CDYL: variants seen among roughly 807,000 people sequenced by gnomAD.
CDYL encodes the protein chromodomain Y-like protein.
In CDYL, 8 loss-of-function variants were observed where a neutral mutation model predicts 47.3. The ratio of observed to expected loss-of-function variants is 0.17; its 90% CI spans 0.10 to 0.31. CDYL has a LOEUF of 0.31. Among genes scored for constraint, CDYL ranks in the 10% least tolerant of loss-of-function variants. CDYL has a pLI of 1.00. For missense variants in CDYL, 471 were observed against 701.4 expected (o/e 0.67, Z 3.71); for synonymous variants, 266 against 265.0 (o/e 1.00, Z -0.04).
intron 3 of CDYL, among the ~76,000 whole-genome samples, chr6:4,739,403 C>T (rs1757757428): frequency 6.6e-6 from 1 of 150,500 alleles, no homozygotes; most frequent in African/African-American, 2.4e-5. Flanking sequence ...CCTGTAATCC[C>T]AGCTACTCAG....
chr6:4,951,244 A>G (rs1265157022), intron 5 of CDYL, among the ~76,000 whole-genome samples: 1 of 152,154 alleles, frequency 6.6e-6, no homozygotes, highest in East Asian at 1.9e-4. Flanking sequence ...CTCATAGTCA[A>G]GGCTTTGTGA....
intron 1 of CDYL, among the ~76,000 whole-genome samples, chr6:4,793,501 A>G (rs1221396025): frequency 1.3e-5 from 2 of 152,350 alleles, no homozygotes; most frequent in East Asian, 3.9e-4. Flanking sequence ...GGGTACTTGT[A>G]GGACTTCATA....
intron 1 of CDYL, among the ~76,000 whole-genome samples, chr6:4,886,188 A>T (rs1190427886): frequency 1.3e-5 from 2 of 152,186 alleles, no homozygotes; most frequent in African/African-American, 4.8e-5. Context: ...AGTATTATAA[A>T]CAGTGCTGCT....
intron 1 of CDYL, among the ~76,000 whole-genome samples, chr6:4,816,193 C>G (rs1455594887): frequency 1.3e-5 from 2 of 151,432 alleles, no homozygotes; most frequent in African/African-American, 4.9e-5. Flanking sequence ...GCAGAGCTGT[C>G]GTTACCCCAG....
intron 1 of CDYL, among the ~76,000 whole-genome samples, chr6:4,781,227 C>CTTTGAAT (rs1193493924): frequency 1.3e-5 from 2 of 152,134 alleles, no homozygotes; most frequent in African/African-American, 4.8e-5. Flanking sequence ...AATCTTTCTT[C>CTTTGAAT]CTACTTTGCG....
chr6:4,856,694 GC>G (rs1454830354), intron 1 of CDYL, among the ~76,000 whole-genome samples: 1 of 152,168 alleles, frequency 6.6e-6, no homozygotes, highest in African/African-American at 2.4e-5. Flanking sequence ...GCCCAGGATG[GC>G]CCCAGCCCAG....
intron 2 of CDYL, among the ~76,000 whole-genome samples, chr6:4,920,722 G>C (rs1234998523): frequency 6.6e-6 from 1 of 152,202 alleles, no homozygotes; most frequent in Admixed American, 6.5e-5. Flanking sequence ...AGGTTCAAGT[G>C]ATTCTCCTGC....
intron 1 of CDYL, among the ~76,000 whole-genome samples, chr6:4,790,648 T>G (rs1380507186): frequency 1.3e-5 from 2 of 152,238 alleles, no homozygotes; most frequent in Non-Finnish European, 2.9e-5. Context: ...GCTCAGCTAA[T>G]TACCTGTAAT....
intron 1 of CDYL, among the ~76,000 whole-genome samples, chr6:4,711,416 C>A (rs2099038797): frequency 6.6e-6 from 1 of 152,132 alleles, no homozygotes; most frequent in Admixed American, 6.6e-5. Context: ...TCTGATTCCC[C>A]CTCAGGAGCG....
chr6:4,918,821 G>A (rs779979753), intron 2 of CDYL, among the ~76,000 whole-genome samples: 2 of 152,138 alleles, frequency 1.3e-5, no homozygotes, highest in Non-Finnish European at 2.9e-5. Context: ...TGAACACTTC[G>A]ATTTCCTTTG....
intron 1 of CDYL, among the ~76,000 whole-genome samples, chr6:4,852,384 ATCTT>A (rs1164007159): frequency 4.5e-5 from 3 of 67,230 alleles, no homozygotes; most frequent in Non-Finnish European, 8.5e-5. Flanking sequence ...CTTCCTTCCT[ATCTT>A]CCTTCCTTCC....
intron 2 of CDYL, among the ~76,000 whole-genome samples, chr6:4,903,560 C>T (rs1184619450): frequency 6.6e-6 from 1 of 152,196 alleles, no homozygotes; most frequent in Non-Finnish European, 1.5e-5. Context: ...AGAACCCACA[C>T]GATGCACACG....
chr6:4,924,587 C>CTCT (rs1242613770), intron 2 of CDYL, among the ~76,000 whole-genome samples: 1 of 152,180 alleles, frequency 6.6e-6, no homozygotes, highest in Admixed American at 6.5e-5. Flanking sequence ...CCCCATTGAG[C>CTCT]TCTTGCTGGT....
chr6:4,752,147 G>A (rs1038851963), intron 3 of CDYL, among the ~76,000 whole-genome samples: 2 of 152,142 alleles, frequency 1.3e-5, no homozygotes, highest in Non-Finnish European at 2.9e-5. Context: ...TCTTGCCCAC[G>A]TTAATATTCG....
intron 3 of CDYL, among the ~76,000 whole-genome samples, chr6:4,744,842 G>T (rs775616140): frequency 3.9e-5 from 6 of 152,168 alleles, no homozygotes; most frequent in Non-Finnish European, 8.8e-5. Context: ...AAGTAGATTT[G>T]AGCTTTTTTT....
intron 3 of CDYL, among the ~76,000 whole-genome samples, chr6:4,739,390 G>A (rs1757757210): frequency 6.8e-6 from 1 of 147,590 alleles, no homozygotes; most frequent in East Asian, 2.1e-4. Context: ...ATGGTGGCAG[G>A]CACCTGTAAT....
intron 2 of CDYL, among the ~76,000 whole-genome samples, chr6:4,898,259 C>A (rs1421219828): frequency 6.6e-6 from 1 of 152,122 alleles, no homozygotes; most frequent in Non-Finnish European, 1.5e-5. Flanking sequence ...AGTGCCCAGA[C>A]CAGCGCCCAG....
At chr6:4,735,912 G>T (rs955274239) in intron 3 of CDYL, among the ~76,000 whole-genome samples, 3 of 152,134 alleles carry the variant, frequency 2.0e-5, no homozygotes, top group South Asian at 2.1e-4. Context: ...TGATGGGGGG[G>T]GGTGGGATGA....
intron 1 of CDYL, among the ~76,000 whole-genome samples, chr6:4,712,050 G>A (rs1474555508): frequency 2.0e-5 from 3 of 152,194 alleles, no homozygotes; most frequent in East Asian, 3.9e-4. Context: ...AGGTGACAGA[G>A]CAAGACCGTC....
Sources: gnomAD v4.1 joint callset for allele counts (sites outside exome capture counted in the v4.1 genomes callset) on GRCh38, gnomAD v4.1.1 for gene constraint, MANE v1.5 for transcripts, NCBI Gene and HGNC (gene_info 2026-07-23, HGNC 2026-07-21) for gene names.